The following NEMP1 variants were observed in gnomAD, a reference collection of about 807,000 sequenced individuals.
NEMP1 encodes the protein nuclear envelope integral membrane protein 1.
Under a neutral mutation model 53.7 loss-of-function variants are expected in NEMP1, and 29 were observed. The observed-to-expected ratio is 0.54, with a 90% CI of 0.40 to 0.74. NEMP1 has a LOEUF of 0.74. Ranked by LOEUF, NEMP1 falls within the 30% of genes least tolerant of loss-of-function variation. NEMP1 has a pLI of 0.00. For missense variants in NEMP1, 477 were observed against 528.6 expected (o/e 0.90, Z 0.96); for synonymous variants, 193 against 192.9 (o/e 1.00, Z 0.00).
rs2031847973 is a variant in NEMP1 at position 57,062,294 on chromosome 12, ACATG to A, written c.980+821_980+824del. Among the ~76,000 whole-genome samples the A allele has an allele frequency of 3.6e-5, 5 of 137,724 alleles. No individual in the cohort carries two copies. In the South Asian group the frequency reaches 1.1e-3, roughly 29 times the overall value. The allele number at this position is 137,724 out of a possible 152,430, so 90.4% of individuals were successfully genotyped here. On this transcript the variant is annotated intron_variant, in intron 7 of 8. Transcript: ENST00000300128. ...CAGGAGTTTGAGACCACCCTGGCCA[ACATG>A]GTGAAACCACATCTCTATTAAAAAT... is the stretch of plus-strand genomic sequence containing the variant.
At chr12:57,087,221 C>G (rs1261444298) in intron 1 of NEMP1, among the ~76,000 whole-genome samples, 1 of 152,064 alleles carries the variant, frequency 6.6e-6, no homozygotes, top group Admixed American at 6.5e-5. Flanking sequence ...TTGCCGCTCA[C>G]TTGCTCACGC....
chr12:57,063,618 G>C (rs960689798), intron 6 of NEMP1, among the ~76,000 whole-genome samples: 2 of 152,074 alleles, frequency 1.3e-5, no homozygotes, highest in African/African-American at 4.8e-5. Context: ...CAGAAATCCA[G>C]ATTAATCACC....
At chr12:57,086,711 T>TGGCTGCG (rs971058473) in intron 1 of NEMP1, among the ~76,000 whole-genome samples, 5 of 152,180 alleles carry the variant, frequency 3.3e-5, no homozygotes, top group African/African-American at 1.2e-4. Context: ...TCGGCAGCTC[T>TGGCTGCG]GGCTGCGGGC....
At chr12:57,072,983 A>G in intron 1 of NEMP1, 71 bp from the exon 2 acceptor site, 3 of 1,387,960 alleles carry the variant, frequency 2.2e-6, no homozygotes, top group Non-Finnish European at 2.9e-6. Context: ...CATGAAAAAG[A>G]TTAAACTAAC....
At chr12:57,064,946 G>A (rs544108717) in intron 4 of NEMP1, among the ~76,000 whole-genome samples, 1 of 152,154 alleles carries the variant, frequency 6.6e-6, no homozygotes, top group Admixed American at 6.5e-5. Flanking sequence ...AAATTTTTTG[G>A]TTTCCCACTG....
upstream of NEMP1, among the ~76,000 whole-genome samples, chr12:57,081,645 T>C (rs1387471962): frequency 6.7e-5 from 10 of 149,186 alleles, no homozygotes; most frequent in South Asian, 2.2e-4. Flanking sequence ...CGGTGGCTCA[T>C]GCCTGTAATC....
chr12:57,066,731 T>C (rs1374853082), intron 4 of NEMP1, among the ~76,000 whole-genome samples: 1 of 152,114 alleles, frequency 6.6e-6, no homozygotes, highest in Non-Finnish European at 1.5e-5. Flanking sequence ...TCTTGAATTG[T>C]AGCTCCCATC....
intron 1 of NEMP1, among the ~76,000 whole-genome samples, chr12:57,074,987 G>C (rs1299218794): frequency 1.3e-5 from 2 of 152,178 alleles, no homozygotes; most frequent in Admixed American, 1.3e-4. Context: ...CTTCTTGGGA[G>C]GCTGAGGCAG....
rs757332894 is a variant in NEMP1 at position 57,070,913 on chromosome 12, A to G, written c.253-20T>C. The G allele has an allele frequency of 1.9e-6, 3 of 1,568,028 alleles. No individual in the cohort carries two copies. The highest frequency in any genetic ancestry group is 2.6e-6 in the Non-Finnish European group (3 of 1,154,664). On this transcript the variant is annotated intron_variant, in intron 2 of 8. Transcript: ENST00000300128. ...TCGGATCTGTAACACAAATAAAATC[A>G]GGATGAGAAAAAAGGAAGTAGGAAT... is the stretch of plus-strand genomic sequence containing the variant.
intron 2 of NEMP1, among the ~76,000 whole-genome samples, chr12:57,071,291 A>C (rs1705752453): frequency 6.6e-6 from 1 of 152,246 alleles, no homozygotes; most frequent in Non-Finnish European, 1.5e-5. Context: ...CCGTAATGAC[A>C]GGCTGAGTTC....
intron 1 of NEMP1, among the ~76,000 whole-genome samples, chr12:57,076,171 AAATATCCAACCAACAGTACAAACCACC>A (rs1314734033): frequency 2.1e-5 from 3 of 145,474 alleles, no homozygotes; most frequent in South Asian, 4.2e-4. Context: ...GAAATACCAC[AAATATCCAACCAACAGTACAAACCACC>A]AATATCCAAC....
chr12:57,060,814 C>A lies in NEMP1; in HGVS notation c.1112G>T (p.Cys371Phe). 1 of 1,613,714 alleles carries A rather than the reference C, an allele frequency of 6.2e-7. No homozygotes were observed. The highest frequency in any genetic ancestry group is 2.2e-5 in the East Asian group (1 of 44,854). Residue 371 changes from cysteine (C) to phenylalanine (F), a missense_variant, in exon 8 of 9, where the codon TGC (cysteine) becomes TTC (phenylalanine). Transcript: ENST00000300128. The stretch of plus-strand genomic sequence containing the variant: ...TCGAGAAACAGTCTTCCAAGCAGAG[C>A]AGTCTGGACTGTTACAAAATTCTCG... The part of the protein sequence containing the change: ...ELREFCNSPD[C>F]SAWKTVSRIQ...
chr12:57,087,581 GT>G (rs1350619418), intron 1 of NEMP1, among the ~76,000 whole-genome samples: 1 of 152,004 alleles, frequency 6.6e-6, no homozygotes, highest in African/African-American at 2.4e-5. Context: ...CCCCCACTGT[GT>G]TTGGCGCTTA....
At position 57,060,754 on chromosome 12, in the gene NEMP1, A is replaced by G. The variant is rs763503454; in HGVS notation, c.1154+18T>C. 6.2e-6 allele frequency: 10 copies of G among 1,607,042 alleles called. No homozygotes were observed. Among genetic ancestry groups the G allele is most frequent in the South Asian group, 1.1e-5 (1 of 89,854 alleles). On this transcript the variant is annotated intron_variant, in intron 8 of 8. Transcript: ENST00000300128. ...ACAATTACCCTGATAGATGCTTGGT[A>G]TATCTGGCCGAGTTTACCTTTTTGG...
At chr12:57,073,041 GA>G in intron 1 of NEMP1, 129 bp from the exon 2 acceptor site, 4 of 700,388 alleles carry the variant, frequency 5.7e-6, no homozygotes, top group South Asian at 3.6e-5. Flanking sequence ...TGAGAAATAA[GA>G]AAAAAAACTG....
At chr12:57,073,404 C>A (rs901844912) in intron 1 of NEMP1, among the ~76,000 whole-genome samples, 4 of 152,006 alleles carry the variant, frequency 2.6e-5, no homozygotes, top group African/African-American at 9.7e-5. Flanking sequence ...CTTTGGGAGG[C>A]TGAGGTGGGC....
intron 1 of NEMP1, among the ~76,000 whole-genome samples, chr12:57,077,425 G>A (rs1256976586): frequency 1.3e-5 from 2 of 151,588 alleles, no homozygotes; most frequent in African/African-American, 4.9e-5. Flanking sequence ...TTAAACCCAG[G>A]AGGCGGAGGT....
At chr12:57,083,095 A>G (rs914612549), upstream of NEMP1, among the ~76,000 whole-genome samples, 5 of 152,214 alleles carry the variant, frequency 3.3e-5, no homozygotes, top group Non-Finnish European at 7.3e-5. Flanking sequence ...GTGTAGGTAT[A>G]TATACACATA....
chr12:57,065,574 T>G (rs1592503668), intron 4 of NEMP1, among the ~76,000 whole-genome samples: 1 of 148,930 alleles, frequency 6.7e-6, no homozygotes, highest in African/African-American at 2.5e-5. Context: ...CAAGCTGGGG[T>G]GCGATGGCGT....
Sources: gnomAD v4.1 joint callset for allele counts (sites outside exome capture counted in the v4.1 genomes callset) on GRCh38, gnomAD v4.1.1 for gene constraint, MANE v1.5 for transcripts, NCBI Gene and HGNC (gene_info 2026-07-23, HGNC 2026-07-21) for gene names.